RIMS1: variants seen among roughly 807,000 people sequenced by gnomAD.
The protein encoded by RIMS1 is regulating synaptic membrane exocytosis protein 1.
Under a neutral mutation model 214.1 loss-of-function variants are expected in RIMS1, and 83 were observed. That is an observed-to-expected ratio of 0.39 (90% confidence interval 0.32 to 0.47). The LOEUF (loss-of-function observed/expected upper bound fraction) is 0.47. Among genes scored for constraint, RIMS1 ranks in the 20% least tolerant of loss-of-function variants. The pLI is 0.99. For missense variants in RIMS1, 2,050 were observed against 2,161.8 expected (o/e 0.95, Z 1.03); for synonymous variants, 793 against 786.8 (o/e 1.01, Z -0.13).
intron 6 of RIMS1, chr6:72,213,338 C>A: frequency 2.2e-6 from 2 of 916,190 alleles, no homozygotes; most frequent in Non-Finnish European, 3.1e-6. Context: ...CTCTGTGTGT[C>A]AGGTGCACAG....
At chr6:72,205,977 A>G (rs1478622550) in intron 6 of RIMS1, among the ~76,000 whole-genome samples, 1 of 152,178 alleles carries the variant, frequency 6.6e-6, no homozygotes, top group African/African-American at 2.4e-5. Context: ...TGTTTTTGAA[A>G]AAATGATTAC....
At chr6:72,238,796 TA>T (rs1215130040) in intron 9 of RIMS1, among the ~76,000 whole-genome samples, 1 of 152,158 alleles carries the variant, frequency 6.6e-6, no homozygotes, top group Non-Finnish European at 1.5e-5. Flanking sequence ...GTGATATTCT[TA>T]ACTTTTAAAC....
intron 6 of RIMS1, among the ~76,000 whole-genome samples, chr6:72,223,472 A>C (rs1423511185): frequency 6.6e-6 from 1 of 152,198 alleles, no homozygotes; most frequent in Non-Finnish European, 1.5e-5. Context: ...TTTTAATATC[A>C]AAAGTGATTT....
intron 29 of RIMS1, among the ~76,000 whole-genome samples, chr6:72,350,862 TA>T (rs755034154): frequency 2.6e-5 from 4 of 152,166 alleles, no homozygotes; most frequent in Non-Finnish European, 5.9e-5. Context: ...TGAAAGCTTT[TA>T]AAATAAAAGG....
At chr6:72,007,695 G>A (rs1808361727) in intron 2 of RIMS1, among the ~76,000 whole-genome samples, 1 of 152,214 alleles carries the variant, frequency 6.6e-6, no homozygotes. Flanking sequence ...TTCAGTAGCT[G>A]ATTTGATCAA....
At chr6:72,066,548 T>C (rs546712328) in intron 2 of RIMS1, among the ~76,000 whole-genome samples, 1 of 152,292 alleles carries the variant, frequency 6.6e-6, no homozygotes, top group African/African-American at 2.4e-5. Context: ...TTTTGTTTTC[T>C]TTATAACTCT....
Position 72,016,415 on chromosome 6 carries a change from G to A in RIMS1, c.245+47352G>A, listed in dbSNP as rs1812775056. ...AATTCCTTCTACAAGCTACCTTCTG[G>A]GATTTTAGTATTTACAGATACTTTG... On this transcript the variant is annotated intron_variant, in intron 2 of 33. Coordinates refer to ENST00000521978, the MANE Select transcript of RIMS1 (RefSeq NM_014989.7). Among the ~76,000 whole-genome samples the A allele has an allele frequency of 2.0e-5, 3 of 152,024 alleles. No individual in the cohort carries two copies. In the South Asian group the frequency reaches 6.2e-4, roughly 32 times the overall value.
intron 1 of RIMS1, among the ~76,000 whole-genome samples, chr6:71,937,677 G>A (rs1255835927): frequency 1.3e-5 from 2 of 152,054 alleles, no homozygotes; most frequent in Non-Finnish European, 2.9e-5. Flanking sequence ...GGGAAAATGG[G>A]GGCTGAACTC....
In RIMS1 at chr6:72,118,302, CCT is replaced by C. The variant is rs781309646; in HGVS notation, c.471+18317_471+18318del. Among the ~76,000 whole-genome samples, 14 of 150,898 alleles carry C rather than the reference CCT, an allele frequency of 9.3e-5. No individual in the cohort carries two copies. The South Asian group carries it at 1.0e-3, about 11-fold the overall frequency. On this transcript the variant is annotated intron_variant, in intron 4 of 33. Transcript: ENST00000521978. Reference sequence around the variant, plus strand: ...TAGGAGGTTTTTTCCACTGATTCCCCCTGTTATTTTTTTTTTATTTTTCAGTA... The same window carrying C: ...TAGGAGGTTTTTTCCACTGATTCCCCGTTATTTTTTTTTTATTTTTCAGTA...
chr6:72,242,042 T>C (rs1018996742), intron 9 of RIMS1, among the ~76,000 whole-genome samples: 1 of 152,104 alleles, frequency 6.6e-6, no homozygotes, highest in African/African-American at 2.4e-5. Flanking sequence ...TGATTTCTGG[T>C]ATATCTCAAA....
At chr6:71,924,026 C>T (rs893416599) in intron 1 of RIMS1, among the ~76,000 whole-genome samples, 1 of 152,096 alleles carries the variant, frequency 6.6e-6, no homozygotes, top group African/African-American at 2.4e-5. Flanking sequence ...TCTTTCCTTG[C>T]CATTGTATTC....
chr6:71,984,793 CT>C (rs1233859682), intron 2 of RIMS1, among the ~76,000 whole-genome samples: 4 of 151,646 alleles, frequency 2.6e-5, no homozygotes, highest in Middle Eastern at 3.2e-3. Context: ...ATCTATCTAT[CT>C]ATCTATCTAT....
intron 2 of RIMS1, among the ~76,000 whole-genome samples, chr6:72,001,308 T>C (rs901141079): frequency 2.0e-5 from 3 of 152,194 alleles, no homozygotes; most frequent in Non-Finnish European, 4.4e-5. Flanking sequence ...TCTTCTCTTG[T>C]CCTGAAACGA....
At chr6:72,353,997 A>T (rs2097548072) in intron 29 of RIMS1, among the ~76,000 whole-genome samples, 1 of 152,168 alleles carries the variant, frequency 6.6e-6, no homozygotes, top group Non-Finnish European at 1.5e-5. Context: ...AGGAAGGTGA[A>T]TCACCTGAGG....
intron 26 of RIMS1, among the ~76,000 whole-genome samples, chr6:72,304,047 T>C (rs912000588): frequency 2.6e-5 from 4 of 151,636 alleles, no homozygotes; most frequent in African/African-American, 9.7e-5. Context: ...TAATTACATT[T>C]CTTGTAAAAA....
chr6:71,967,169 A>G (rs752925858), intron 1 of RIMS1, among the ~76,000 whole-genome samples: 30 of 152,166 alleles, frequency 2.0e-4, no homozygotes, highest in Non-Finnish European at 4.1e-4. Context: ...CGGGTGGATC[A>G]CGAGGTCAGG....
chr6:71,915,663 A>G (rs1406143832), intron 1 of RIMS1, among the ~76,000 whole-genome samples: 1 of 152,176 alleles, frequency 6.6e-6, no homozygotes, highest in Non-Finnish European at 1.5e-5. Flanking sequence ...GGAGGATTAC[A>G]TGAGTTAGTA....
At chr6:71,923,242 C>A (rs1359191515) in intron 1 of RIMS1, among the ~76,000 whole-genome samples, 2 of 152,196 alleles carry the variant, frequency 1.3e-5, no homozygotes, top group Non-Finnish European at 2.9e-5. Flanking sequence ...CCTTAATAGG[C>A]TAGCATGTGA....
chr6:72,355,903 C>T (rs2097619800), intron 29 of RIMS1, among the ~76,000 whole-genome samples: 1 of 152,158 alleles, frequency 6.6e-6, no homozygotes. Context: ...TCTGTGATTA[C>T]ACATAACGAC....
Sources: gnomAD v4.1 joint callset for allele counts (sites outside exome capture counted in the v4.1 genomes callset) on GRCh38, gnomAD v4.1.1 for gene constraint, MANE v1.5 for transcripts, NCBI Gene and HGNC (gene_info 2026-07-23, HGNC 2026-07-21) for gene names.